VPS41: variants seen among roughly 807,000 people sequenced by gnomAD.
The protein encoded by VPS41 is VPS41 subunit of HOPS complex, also known as vacuolar protein sorting-associated protein 41 homolog.
VPS41 carries 85 observed loss-of-function variants against 130.9 expected under a neutral mutation model. That is an observed-to-expected ratio of 0.65 (90% CI 0.55 to 0.78). The LOEUF is 0.78. Ranked by LOEUF, VPS41 falls within the 30% of genes least tolerant of loss-of-function variation. The probability of loss-of-function intolerance (pLI) is 0.00; values close to 1 mark genes in which losing one functional copy is unlikely to be tolerated. For missense variants in VPS41, 874 were observed against 1,018.7 expected (o/e 0.86, Z 1.93); for synonymous variants, 335 against 332.9 (o/e 1.01, Z -0.07).
At chr7:38,843,080 A>G (rs1159980020) in intron 4 of VPS41, among the ~76,000 whole-genome samples, 3 of 152,242 alleles carry the variant, frequency 2.0e-5, no homozygotes, top group Non-Finnish European at 4.4e-5. Flanking sequence ...ACTAAAGAGC[A>G]GAATAAAAAC....
chr7:38,883,892 A>C (rs1455135251), intron 2 of VPS41, among the ~76,000 whole-genome samples: 1 of 152,236 alleles, frequency 6.6e-6, no homozygotes, highest in Non-Finnish European at 1.5e-5. Flanking sequence ...TCCATGCCTG[A>C]ATGATGCAAT....
intron 7 of VPS41, among the ~76,000 whole-genome samples, chr7:38,807,727 A>C (rs1374031793): frequency 6.6e-6 from 1 of 152,212 alleles, no homozygotes; most frequent in East Asian, 1.9e-4. Flanking sequence ...CCAACTAACA[A>C]TGACTGCAAT....
intron 4 of VPS41, among the ~76,000 whole-genome samples, chr7:38,835,309 A>G (rs890319132): frequency 6.6e-6 from 1 of 151,860 alleles, no homozygotes; most frequent in Admixed American, 6.6e-5. Context: ...TTTGTTCACC[A>G]TCTTGTAATT....
chr7:38,741,852 T>C, intron 25 of VPS41, 133 bp downstream of exon 25: 6 of 996,794 alleles, frequency 6.0e-6, no homozygotes, highest in Non-Finnish European at 8.8e-6. Context: ...GTTTTCTAAA[T>C]ATCTGGGCCT....
chr7:38,855,984 T>C (rs1429891963), intron 4 of VPS41, among the ~76,000 whole-genome samples: 1 of 152,146 alleles, frequency 6.6e-6, no homozygotes, highest in Non-Finnish European at 1.5e-5. Flanking sequence ...TCTGCCAGTA[T>C]GGTCACATTC....
intron 2 of VPS41, among the ~76,000 whole-genome samples, chr7:38,873,627 T>G (rs1463088509): frequency 6.6e-6 from 1 of 152,184 alleles, no homozygotes; most frequent in Non-Finnish European, 1.5e-5. Flanking sequence ...CCTAGTGGAA[T>G]AGTACAAGTC....
At chr7:38,773,016 C>T (rs78155226) in intron 12 of VPS41, among the ~76,000 whole-genome samples, 7,466 of 152,144 alleles carry the variant, frequency 0.049, 624 homozygotes, top group African/African-American at 0.17. Context: ...TCTATGTCTA[C>T]TGCATATTAG....
chr7:38,745,486 C>T lies in VPS41; in HGVS notation c.1981+73G>A, dbSNP rs1584370311. The T allele has an allele frequency of 4.0e-6, 5 of 1,255,940 alleles. No individual in the cohort carries two copies. In the East Asian group the frequency reaches 1.2e-4, roughly 29 times the overall value. 77.8% of individuals were successfully genotyped at this position (1,255,940 alleles called of 1,614,324 possible). On this transcript the variant is annotated intron_variant, in intron 23 of 28. Transcript: ENST00000310301. Reference sequence around the variant, plus strand: ...CGTTGGTCTAAAACCTATGTCCTTTCTTACACAATTTACTTCATGTTGTCA... The same window carrying T: ...CGTTGGTCTAAAACCTATGTCCTTTTTTACACAATTTACTTCATGTTGTCA...
intron 19 of VPS41, among the ~76,000 whole-genome samples, chr7:38,756,072 A>G (rs2115729039): frequency 6.6e-6 from 1 of 152,346 alleles, no homozygotes. Flanking sequence ...ACAGTACAAT[A>G]TAATTGAAAA....
At chr7:38,869,436 C>T (rs992864324) in intron 2 of VPS41, among the ~76,000 whole-genome samples, 183 bp from the exon 3 acceptor site, 3 of 152,202 alleles carry the variant, frequency 2.0e-5, no homozygotes, top group African/African-American at 7.2e-5. Context: ...GCTGTAACTT[C>T]ACTGGTAAAA....
At chr7:38,761,943 C>T (rs1783929961) in intron 17 of VPS41, among the ~76,000 whole-genome samples, 1 of 152,042 alleles carries the variant, frequency 6.6e-6, no homozygotes, top group Admixed American at 6.6e-5. Context: ...ACCCCAATAC[C>T]AGCAGCTCAC....
rs528533691 is a variant in VPS41, at chr7:38,784,684, T to C, written c.784+5117A>G. Among the ~76,000 whole-genome samples, 8 of 151,264 alleles carry C rather than the reference T, an allele frequency of 5.3e-5. No individual in the cohort carries two copies. The South Asian group carries it at 1.7e-3, about 32-fold the overall frequency. ...GGAAGGAGGAGGGGAAGGGGAAGAA[T>C]ATAAGAATACAGAGATGCTTAGATT... On this transcript the variant is annotated intron_variant, in intron 10 of 28. Transcript: ENST00000310301.
Position 38,742,019 on chromosome 7 carries a change from G to C in VPS41, c.2225C>G (p.Ser742Cys). Reference sequence around the variant, plus strand: ...GTAGTCTTGCAGAATTTTAACCAAGGAATCTCTCAAATTGGGGATCTCCAT... The same window carrying C: ...GTAGTCTTGCAGAATTTTAACCAAGCAATCTCTCAAATTGGGGATCTCCAT... ...EGMEIPNLRD[S>C]LVKILQDYNL... is the part of the protein sequence containing the mutation. The change falls in exon 25 of 29, where the codon TCC (serine) becomes TGC (cysteine). Residue 742 changes from serine to cysteine, a missense_variant. Coordinates refer to ENST00000310301, the MANE Select transcript of VPS41 (RefSeq NM_014396.4). 1 of 1,613,120 alleles carries C rather than the reference G, an allele frequency of 6.2e-7. No homozygotes were observed. The highest frequency in any genetic ancestry group is 8.5e-7 in the Non-Finnish European group (1 of 1,179,656).
At chr7:38,772,289 C>T (rs921021925) in intron 13 of VPS41, among the ~76,000 whole-genome samples, 1 of 152,096 alleles carries the variant, frequency 6.6e-6, no homozygotes, top group Non-Finnish European at 1.5e-5. Context: ...AACTCACCTC[C>T]TCCCTCCACT....
intron 7 of VPS41, among the ~76,000 whole-genome samples, chr7:38,807,635 C>A (rs1484610275): frequency 3.3e-5 from 5 of 152,184 alleles, no homozygotes; most frequent in African/African-American, 9.7e-5. Context: ...TAACATGAAG[C>A]ATGACACAAG....
intron 2 of VPS41, among the ~76,000 whole-genome samples, chr7:38,870,475 A>G (rs1389967692): frequency 6.6e-6 from 1 of 152,118 alleles, no homozygotes; most frequent in African/African-American, 2.4e-5. Flanking sequence ...ACTCAGCTCA[A>G]TCTTTGATTG....
rs866302935 is a variant in VPS41 at position 38,820,141 on chromosome 7, G to A, written c.384+1062C>T. Among the ~76,000 whole-genome samples the A allele has an allele frequency of 2.6e-5, 4 of 152,244 alleles. No individual in the cohort carries two copies. In the Middle Eastern group the frequency reaches 0.014, roughly 518 times the overall value. ...TCACCCTCATCCAAGCCATCACTAAGGCTCGCTAAGTCTATTTAGCACAGG... is the reference window on the plus strand; with the variant it reads ...TCACCCTCATCCAAGCCATCACTAAAGCTCGCTAAGTCTATTTAGCACAGG... On this transcript the variant is annotated intron_variant, in intron 6 of 28. Coordinates refer to ENST00000310301, the MANE Select transcript of VPS41 (RefSeq NM_014396.4).
rs757748159 is a variant in VPS41, at chr7:38,743,437, C to A, written c.2087G>T (p.Trp696Leu). ...FAKEQDDGEL[W>L]EDLILYSIDK... is the part of the protein sequence containing the mutation. ...AATGGAATATAAAATCAAATCTTCCCACAGCTCTCCATCATCTTGCTCCTT... is the reference window on the plus strand; with the variant it reads ...AATGGAATATAAAATCAAATCTTCCAACAGCTCTCCATCATCTTGCTCCTT... The change falls in exon 24 of 29, where the codon TGG becomes TTG. Residue 696 changes from tryptophan (W) to leucine (L), a missense_variant. Transcript: ENST00000310301. 2.5e-6 allele frequency: 4 copies of A among 1,613,952 alleles called. No homozygotes were observed. Among genetic ancestry groups the A allele is most frequent in the Non-Finnish European group, 3.4e-6 (4 of 1,179,900 alleles).
chr7:38,835,619 A>G (rs142951926), intron 4 of VPS41, among the ~76,000 whole-genome samples: 3,240 of 152,054 alleles, frequency 0.021, 47 homozygotes, highest in African/African-American at 0.043. Context: ...AACCTAAGAC[A>G]TAATTTCAAA....
Sources: allele counts gnomAD v4.1 joint callset (sites outside exome capture counted in the v4.1 genomes callset), GRCh38; gene constraint gnomAD v4.1.1; transcripts MANE v1.5; gene names NCBI Gene and HGNC (gene_info 2026-07-23, HGNC 2026-07-21).